ZP3: variants seen among roughly 807,000 people sequenced by gnomAD.
ZP3 encodes the protein zona pellucida glycoprotein 3.
Under a neutral mutation model 35.6 loss-of-function variants are expected in ZP3, and 21 were observed. The ratio of observed to expected loss-of-function variants is 0.59; its 90% CI spans 0.42 to 0.85. ZP3 has a LOEUF of 0.85. ZP3 is among the 40% of genes least tolerant of loss of function. The pLI, the probability that ZP3 is intolerant of heterozygous loss-of-function variation, is 0.00. For synonymous variants in ZP3, 207 were observed against 214.5 expected (o/e 0.96, Z 0.31); for missense variants, 437 against 536.5 (o/e 0.81, Z 1.83).
intron 1 of ZP3, chr7:76,404,564 G>C: frequency 1.4e-6 from 2 of 1,437,938 alleles, no homozygotes; most frequent in Non-Finnish European, 1.9e-6. Context: ...GGCCGAGGTG[G>C]GAGGATTGCT....
rs1481008824 is a variant in ZP3 at position 76,416,812 on chromosome 7, C to CTA, written c.-66-8239_-66-8238insAT. Among the ~76,000 whole-genome samples the CTA allele has an allele frequency of 2.7e-4, 36 of 131,938 alleles. 1 individual carries two copies. Among genetic ancestry groups the CTA allele is most frequent in the African/African-American group, 8.9e-4 (29 of 32,668 alleles). The allele number at this position is 131,938 out of a possible 152,430, so 86.6% of individuals were successfully genotyped here. Reference sequence around the variant, plus strand: ...GGATGCTGTCTCTCTCTCTCTCTCTCTCTCTATATATATATACATATACAT... The same window carrying CTA: ...GGATGCTGTCTCTCTCTCTCTCTCTCTATCTCTATATATATATACATATACAT... On this transcript the variant is annotated intron_variant, in intron 1 of 8. Coordinates refer to the ZP3 transcript ENST00000336517.
intron 1 of ZP3, chr7:76,428,929 T>G (rs1210720304): frequency 6.5e-6 from 1 of 153,540 alleles, no homozygotes; most frequent in African/African-American, 2.4e-5. Context: ...TGATCTGCCC[T>G]CCTCAGCCTC....
Position 76,441,625 on chromosome 7 carries a change from T to C in ZP3, c.1061-217T>C, listed in dbSNP as rs558521516. ...CTGGTCTCAAACACCTGACCTCAGG[T>C]GATCTGCCTGCCTCAGCCTCCCAAA... On this transcript the variant is annotated intron_variant, in intron 7 of 7. Transcript: ENST00000394857. 2.2e-3 allele frequency among the ~76,000 whole-genome samples: 340 copies of C among 152,196 alleles called. 1 individual carries two copies. The highest frequency in any genetic ancestry group is 4.1e-3 in the Non-Finnish European group (279 of 67,996).
rs371791239 is a variant in ZP3, at chr7:76,400,439, G to A, written c.-67+2642G>A. 1.4e-4 allele frequency: 228 copies of A among 1,607,102 alleles called. No homozygotes were observed. Among genetic ancestry groups the A allele is most frequent in the Non-Finnish European group, 1.9e-4 (222 of 1,176,034 alleles). On this transcript the variant is annotated intron_variant, in intron 1 of 8. Transcript: ENST00000336517. Reference sequence around the variant, plus strand: ...CCTTGGCCAAAGGCAAGGGGCCGTGGCACGGGCAGTGCCAGGCCACAGCCC... The same window carrying A: ...CCTTGGCCAAAGGCAAGGGGCCGTGACACGGGCAGTGCCAGGCCACAGCCC...
At chr7:76,409,210 G>A (rs1805150170) in intron 1 of ZP3, among the ~76,000 whole-genome samples, 1 of 152,000 alleles carries the variant, frequency 6.6e-6, no homozygotes, top group South Asian at 2.1e-4. Context: ...TCAAGGTGAT[G>A]GCTACAGAAT....
At chr7:76,399,264 C>T (rs949988404) in intron 1 of ZP3, among the ~76,000 whole-genome samples, 4 of 152,080 alleles carry the variant, frequency 2.6e-5, no homozygotes, top group African/African-American at 9.7e-5. Flanking sequence ...ACACCTGCCT[C>T]GGCTTCCCAA....
intron 5 of ZP3, among the ~76,000 whole-genome samples, chr7:76,434,713 G>A (rs1237100419): frequency 9.5e-5 from 14 of 148,002 alleles, no homozygotes; most frequent in African/African-American, 3.2e-4. Flanking sequence ...TGTGAACTTC[G>A]TAGCCAGGGT....
chr7:76,422,928 C>G (rs1018527997), upstream of ZP3, among the ~76,000 whole-genome samples: 5 of 137,102 alleles, frequency 3.6e-5, no homozygotes, highest in East Asian at 1.1e-3. Context: ...ACCCAGGAGG[C>G]GGAGGTTGCA....
intron 2 of ZP3, among the ~76,000 whole-genome samples, chr7:76,430,451 T>A (rs1009212363): frequency 6.6e-6 from 1 of 152,044 alleles, no homozygotes; most frequent in East Asian, 1.9e-4. Flanking sequence ...TATAAGATGA[T>A]GCGGCCAGGT....
intron 1 of ZP3, among the ~76,000 whole-genome samples, chr7:76,402,182 A>ATTTT (rs57389874): frequency 0.082 from 10,423 of 127,070 alleles, 567 homozygotes; most frequent in South Asian, 0.2. Flanking sequence ...CTGCCCAGCT[A>ATTTT]TTTTTTTTTT....
chr7:76,405,306 TATATATA>T (rs1804972471), intron 1 of ZP3, among the ~76,000 whole-genome samples: 6 of 63,120 alleles, frequency 9.5e-5, no homozygotes, highest in African/African-American at 4.2e-4. Context: ...TATATATATA[TATATATA>T]TATGTATTTT....
At chr7:76,437,918 T>C (rs1239292356) in intron 5 of ZP3, among the ~76,000 whole-genome samples, 1 of 152,256 alleles carries the variant, frequency 6.6e-6, no homozygotes, top group Non-Finnish European at 1.5e-5. Context: ...CTTTGTGGAA[T>C]AGACAACAGG....
chr7:76,399,566 G>A (rs1042218990), intron 1 of ZP3, among the ~76,000 whole-genome samples: 5 of 151,180 alleles, frequency 3.3e-5, no homozygotes, highest in African/African-American at 1.2e-4. Context: ...ACAGGATCTT[G>A]CTCTGTCACC....
At chr7:76,399,934 T>C (rs1346962676) in intron 1 of ZP3, among the ~76,000 whole-genome samples, 1 of 152,132 alleles carries the variant, frequency 6.6e-6, no homozygotes, top group East Asian at 1.9e-4. Context: ...GAGGCTGCAG[T>C]GGGCTATGAT....
chr7:76,418,071 G>C (rs749146599), intron 1 of ZP3, among the ~76,000 whole-genome samples: 1 of 149,630 alleles, frequency 6.7e-6, no homozygotes, highest in East Asian at 2.0e-4. Context: ...CCAAGTATTT[G>C]GGACTACAGG....
chr7:76,415,209 C>T (rs1805340205), intron 1 of ZP3, among the ~76,000 whole-genome samples: 1 of 151,296 alleles, frequency 6.6e-6, no homozygotes, highest in South Asian at 2.1e-4. Context: ...AACCCTGTCT[C>T]TGCTAAATTA....
At chr7:76,400,480 A>G in intron 1 of ZP3, 1 of 1,606,892 alleles carries the variant, frequency 6.2e-7, no homozygotes, top group Non-Finnish European at 8.5e-7. Flanking sequence ...GCGACACACT[A>G]CGTTGGCGTC....
rs1345493915 is a variant in ZP3, at chr7:76,425,085, C to T, written c.121C>T (p.Pro41Ser). The change falls in exon 1 of 8, where the codon CCC (proline) becomes TCC (serine). Residue 41 changes from proline (P) to serine (S), a missense_variant. Transcript: ENST00000394857. ...GASHPETSVQ[P>S]VLVECQEATL... ...CAGCCATCCTGAGACGTCCGTACAG[C>T]CCGTACTGGTGGAGTGTCAGGAGGC... The T allele has an allele frequency of 6.2e-7, 1 of 1,613,702 alleles. No homozygotes were observed. The highest frequency in any genetic ancestry group is 1.1e-5 in the South Asian group (1 of 91,036).
intron 1 of ZP3, among the ~76,000 whole-genome samples, chr7:76,405,127 CAG>C (rs950093990): frequency 3.4e-5 from 5 of 145,748 alleles, no homozygotes; most frequent in African/African-American, 1.2e-4. Context: ...TTTTTTCAGA[CAG>C]AGTCTCACTC....
Sources: allele counts gnomAD v4.1 joint callset (sites outside exome capture counted in the v4.1 genomes callset), GRCh38; gene constraint gnomAD v4.1.1; transcripts MANE v1.5; gene names NCBI Gene and HGNC (gene_info 2026-07-23, HGNC 2026-07-21).